DAAM1: variants seen among roughly 807,000 people sequenced by gnomAD.
The protein encoded by DAAM1 is dishevelled associated activator of morphogenesis 1.
In DAAM1, 52 loss-of-function variants were observed where a neutral mutation model predicts 130.0. The observed-to-expected ratio is 0.40, with a 90% CI of 0.32 to 0.50. DAAM1 has a LOEUF of 0.50. Ranked by LOEUF, DAAM1 falls within the 20% of genes least tolerant of loss-of-function variation. The pLI, the probability that DAAM1 is intolerant of heterozygous loss-of-function variation, is 0.61. For synonymous variants in DAAM1, 452 were observed against 444.5 expected, an observed-to-expected ratio of 1.02 and a Z score of -0.21; for missense variants, 1,134 against 1,303.8, an observed-to-expected ratio of 0.87 and a Z score of 2.01.
At chr14:59,247,224 C>G (rs1039192004) in intron 1 of DAAM1, among the ~76,000 whole-genome samples, 1 of 152,112 alleles carries the variant, frequency 6.6e-6, no homozygotes, top group Non-Finnish European at 1.5e-5. Flanking sequence ...TTTCTGGGCT[C>G]TCTGTTCTAT....
chr14:59,285,946 C>A (rs1883432353), intron 2 of DAAM1, among the ~76,000 whole-genome samples: 1 of 152,128 alleles, frequency 6.6e-6, no homozygotes, highest in South Asian at 2.1e-4. Flanking sequence ...ACAGAACACT[C>A]CATCCAACAA....
At chr14:59,192,187 TGTGTG>T (rs1887753952) in intron 1 of DAAM1, among the ~76,000 whole-genome samples, 1 of 151,112 alleles carries the variant, frequency 6.6e-6, no homozygotes, top group Non-Finnish European at 1.5e-5. Flanking sequence ...TGTGTGTGTG[TGTGTG>T]TGGTTTTGAG....
chr14:59,278,225 G>A (rs940894230), intron 2 of DAAM1, among the ~76,000 whole-genome samples: 4 of 152,106 alleles, frequency 2.6e-5, no homozygotes, highest in African/African-American at 9.7e-5. Context: ...GGCATCACGA[G>A]GTAGTGTTAG....
chr14:59,351,236 C>T lies in DAAM1; in HGVS notation c.2161-1290C>T, dbSNP rs899686167. On this transcript the variant is annotated intron_variant, in intron 17 of 24. Coordinates refer to ENST00000360909, the MANE Select transcript of DAAM1 (RefSeq NM_001270520.2). ...AGCTCTAGAATCTGTCCACTAGCTCCACCCTATCCAGGCCACCATCATCTC... is the reference window on the plus strand; with the variant it reads ...AGCTCTAGAATCTGTCCACTAGCTCTACCCTATCCAGGCCACCATCATCTC... Among the ~76,000 whole-genome samples the T allele has an allele frequency of 7.2e-5, 11 of 152,256 alleles. No homozygotes were observed. In the South Asian group the frequency reaches 2.1e-3, roughly 29 times the overall value.
intron 3 of DAAM1, among the ~76,000 whole-genome samples, chr14:59,302,873 C>G (rs1242826889): frequency 6.6e-6 from 1 of 152,048 alleles, no homozygotes; most frequent in East Asian, 1.9e-4. Flanking sequence ...AGGCTGGTCT[C>G]GAAGTCCTGA....
Position 59,257,275 on chromosome 14 carries a change from T to A in DAAM1, c.-37-6166T>A, listed in dbSNP as rs527542462. ...CTGTTCACTTAGGAATTTATACTTT[T>A]GCATTCAACAAACATTTGTTGAGAA... On this transcript the variant is annotated intron_variant, in intron 1 of 24. Transcript: ENST00000360909. Among the ~76,000 whole-genome samples the A allele has an allele frequency of 7.2e-5, 11 of 152,224 alleles. No homozygotes were observed. The South Asian group carries it at 2.1e-3, about 29-fold the overall frequency.
chr14:59,283,742 A>G (rs1362370109), intron 2 of DAAM1, among the ~76,000 whole-genome samples: 2 of 152,188 alleles, frequency 1.3e-5, no homozygotes, highest in African/African-American at 2.4e-5. Context: ...AGGAACTAGC[A>G]TATTTTAGGC....
chr14:59,259,766 C>T lies in DAAM1; in HGVS notation c.-37-3675C>T, dbSNP rs147432054. On this transcript the variant is annotated intron_variant, in intron 1 of 24. Coordinates refer to ENST00000360909, the MANE Select transcript of DAAM1 (RefSeq NM_001270520.2). ...TTGGGTACAAGAATTGAGATTAGGC[C>T]GGGCGTGGTGGCTCACGCCTGTAAT... Among the ~76,000 whole-genome samples, 1,092 of 152,302 alleles carry T rather than the reference C, an allele frequency of 7.2e-3. 15 individuals carry two copies. The highest frequency in any genetic ancestry group is 0.025 in the African/African-American group (1,025 of 41,562).
intron 17 of DAAM1, 41 bp from the exon 18 acceptor site, chr14:59,352,485 A>C (rs1230241372): frequency 1.3e-6 from 2 of 1,489,568 alleles, no homozygotes; most frequent in African/African-American, 2.8e-5. Context: ...CATGGATTTA[A>C]GTGATAAACC....
intron 17 of DAAM1, among the ~76,000 whole-genome samples, chr14:59,348,935 G>T (rs1268797915): frequency 1.3e-5 from 2 of 152,186 alleles, no homozygotes; most frequent in Non-Finnish European, 1.5e-5. Flanking sequence ...TCCTTTAAAG[G>T]TTTTATTTAA....
chr14:59,199,061 G>A (rs1474999806), intron 1 of DAAM1, among the ~76,000 whole-genome samples: 2 of 152,154 alleles, frequency 1.3e-5, no homozygotes, highest in Non-Finnish European at 2.9e-5. Context: ...GGAGAACTCC[G>A]ATTTTTCGCC....
At chr14:59,213,154 T>C (rs114087236) in intron 1 of DAAM1, among the ~76,000 whole-genome samples, 1 of 152,092 alleles carries the variant, frequency 6.6e-6, no homozygotes, top group African/African-American at 2.4e-5. Flanking sequence ...AATTGACTTT[T>C]TGTATTCAGG....
chr14:59,364,294 G>C (rs576259085), intron 23 of DAAM1, among the ~76,000 whole-genome samples: 2 of 152,002 alleles, frequency 1.3e-5, no homozygotes, highest in East Asian at 3.9e-4. Context: ...CTCGCTAAAA[G>C]AGATGCATTT....
In DAAM1 at chr14:59,326,044, A is replaced by T. The variant is rs372177594; in HGVS notation, c.1141A>T (p.Met381Leu). 53 of 1,614,008 alleles carry T rather than the reference A, an allele frequency of 3.3e-5. No individual in the cohort carries two copies. Among genetic ancestry groups the T allele is most frequent in the African/African-American group, 2.8e-4 (21 of 74,936 alleles). ...ACATAGTGAAGCTTACCCGCATTTCATGTCCATCCTGCACCACTGCCTCCA... is the reference window on the plus strand; with the variant it reads ...ACATAGTGAAGCTTACCCGCATTTCTTGTCCATCCTGCACCACTGCCTCCA... Reference protein sequence around the residue: ...LTHSEAYPHFMSILHHCLQMP... With the variant: ...LTHSEAYPHFLSILHHCLQMP... Residue 381 changes from methionine to leucine, a missense_variant, in exon 10 of 25, where the codon ATG becomes TTG. Physicochemically the swap from Met to Leu is conservative, Grantham distance 15 (BLOSUM62 2). This residue lies in a region of DAAM1 where 391 missense variants were observed against 521.6 expected (regional missense o/e 0.75). Transcript: ENST00000360909.
At chr14:59,332,548 T>C (rs188457095) in intron 15 of DAAM1, among the ~76,000 whole-genome samples, 1 of 152,254 alleles carries the variant, frequency 6.6e-6, no homozygotes, top group East Asian at 1.9e-4. Context: ...AGCAAAAACA[T>C]GTGATTTGGT....
Position 59,229,638 on chromosome 14 carries a change from C to T in DAAM1, c.-37-33803C>T, listed in dbSNP as rs142469227. Among the ~76,000 whole-genome samples, 1,199 of 152,198 alleles carry T rather than the reference C, an allele frequency of 7.9e-3. 9 individuals carry two copies. Among genetic ancestry groups the T allele is most frequent in the Middle Eastern group, 0.034 (10 of 294 alleles). On this transcript the variant is annotated intron_variant, in intron 1 of 24. Transcript: ENST00000360909. ...AGGAAGATTTCTTCTTTCTTTACTT[C>T]CTAAGAGATGGCCAACAGTGGAGTT...
At chr14:59,291,128 G>GT (rs545699176) in intron 2 of DAAM1, 89 bp from the exon 3 acceptor site, 182 of 1,070,480 alleles carry the variant, frequency 1.7e-4, no homozygotes, top group Middle Eastern at 2.1e-4. Context: ...TTGTGTTTTT[G>GT]TTTTTTTTCT....
chr14:59,208,866 C>G (rs1594757917), intron 1 of DAAM1, among the ~76,000 whole-genome samples: 1 of 152,050 alleles, frequency 6.6e-6, no homozygotes, highest in Admixed American at 6.6e-5. Context: ...GAGTTTAGGA[C>G]CTTCCCCTAT....
At chr14:59,259,847 A>G (rs1176225696) in intron 1 of DAAM1, among the ~76,000 whole-genome samples, 3 of 152,202 alleles carry the variant, frequency 2.0e-5, no homozygotes, top group Non-Finnish European at 2.9e-5. Flanking sequence ...GATCGAGACC[A>G]TCTTGGCTAA....
Sources: gnomAD v4.1 joint callset for allele counts (sites outside exome capture counted in the v4.1 genomes callset) on GRCh38, gnomAD v4.1.1 for gene constraint, gnomAD v4.1.1 regional missense constraint, MANE v1.5 for transcripts, NCBI Gene and HGNC (gene_info 2026-07-23, HGNC 2026-07-21) for gene names.